The following KCNQ3 variants were observed in gnomAD, a reference collection of about 807,000 sequenced individuals.
KCNQ3 encodes potassium voltage-gated channel subfamily KQT member 3.
A neutral mutation model predicts 92.5 loss-of-function variants in KCNQ3; 30 were observed. The ratio of observed to expected loss-of-function variants is 0.32; its 90% CI spans 0.24 to 0.44. KCNQ3 has a LOEUF of 0.44. Among genes scored for constraint, KCNQ3 ranks in the 20% least tolerant of loss-of-function variants. The pLI is 1.00. For synonymous variants in KCNQ3, 450 were observed against 468.8 expected (o/e 0.96, Z 0.52); for missense variants, 913 against 1,140.3 (o/e 0.80, Z 2.87).
At chr8:132,291,216 C>T (rs1816825556) in intron 1 of KCNQ3, among the ~76,000 whole-genome samples, 1 of 152,198 alleles carries the variant, frequency 6.6e-6, no homozygotes, top group Non-Finnish European at 1.5e-5. Context: ...AGTGTTAACA[C>T]CTAGTGGCTG....
rs575581097 is a variant in KCNQ3 at position 132,411,385 on chromosome 8, G to A, written c.386+68762C>T. 8.5e-5 allele frequency among the ~76,000 whole-genome samples: 13 copies of A among 152,256 alleles called. No individual in the cohort carries two copies. The East Asian group carries it at 1.5e-3, about 18-fold the overall frequency. On this transcript the variant is annotated intron_variant, in intron 1 of 14. Transcript: ENST00000388996. ...GGGACACCGACATGGGATTGGGGAC[G>A]TAGGAATGTCAGACTAGAGATGCAA...
At chr8:132,377,725 T>G (rs1439113415) in intron 1 of KCNQ3, among the ~76,000 whole-genome samples, 3 of 152,222 alleles carry the variant, frequency 2.0e-5, no homozygotes, top group African/African-American at 7.2e-5. Flanking sequence ...TGGAATTATC[T>G]TCAAATATGG....
intron 1 of KCNQ3, among the ~76,000 whole-genome samples, chr8:132,302,300 C>T (rs1027070731): frequency 3.3e-5 from 5 of 152,184 alleles, no homozygotes; most frequent in African/African-American, 1.2e-4. Context: ...ACACTCGAAT[C>T]CAGATTTCCC....
At chr8:132,248,728 A>C (rs552598068) in intron 1 of KCNQ3, among the ~76,000 whole-genome samples, 13 of 152,332 alleles carry the variant, frequency 8.5e-5, no homozygotes, top group African/African-American at 2.9e-4. Context: ...TGCCCCAGCC[A>C]ATCAGCAGAT....
intron 1 of KCNQ3, among the ~76,000 whole-genome samples, chr8:132,397,743 G>A (rs11987131): frequency 0.18 from 27,995 of 151,898 alleles, 2,745 homozygotes; most frequent in Non-Finnish European, 0.21. Context: ...TAATAATAAA[G>A]ACTAAAAAAA....
chr8:132,480,435 G>T lies in KCNQ3; in HGVS notation c.98C>A (p.Ala33Glu). 1 of 1,454,010 alleles carries T rather than the reference G, an allele frequency of 6.9e-7. No individual in the cohort carries two copies. The highest frequency in any genetic ancestry group is 9.0e-7 in the Non-Finnish European group (1 of 1,106,316). 90.1% of individuals were successfully genotyped at this position (1,454,010 alleles called of 1,614,324 possible). A position where few individuals can be genotyped will look rare whatever the true frequency, so the allele number is the denominator to read the frequency against. Residue 33 changes from alanine to glutamate, a missense_variant, in exon 1 of 15, where the codon GCG (alanine) becomes GAG (glutamate). Transcript: ENST00000388996. ...CCGCTCCTCGTCGCCGGCCGCCGCC[G>T]CGTCCCCTCCGGCTGGGTTAGCCGC... ...GGAANPAGGD[A>E]AAAGDEERKV...
chr8:132,331,517 G>A (rs749751879), intron 1 of KCNQ3, among the ~76,000 whole-genome samples: 8 of 152,142 alleles, frequency 5.3e-5, no homozygotes, highest in Admixed American at 3.3e-4. Context: ...ACAGACTAGG[G>A]AAAGTCATAG....
At chr8:132,199,207 C>A (rs982887864) in intron 1 of KCNQ3, among the ~76,000 whole-genome samples, 5 of 152,142 alleles carry the variant, frequency 3.3e-5, no homozygotes, top group South Asian at 2.1e-4. Context: ...AAAAAACCAA[C>A]TGATACTTTA....
intron 1 of KCNQ3, among the ~76,000 whole-genome samples, chr8:132,401,514 G>A (rs1174636092): frequency 1.3e-5 from 2 of 152,040 alleles, no homozygotes; most frequent in African/African-American, 4.8e-5. Flanking sequence ...TAGCTGGGAT[G>A]ACAGTCATGT....
intron 1 of KCNQ3, among the ~76,000 whole-genome samples, chr8:132,316,055 G>A (rs16904655): frequency 0.088 from 13,358 of 152,094 alleles, 720 homozygotes; most frequent in African/African-American, 0.13. Context: ...GGGAATCTGC[G>A]GTAGGCTTTT....
At chr8:132,196,789 T>G (rs148876888) in intron 1 of KCNQ3, among the ~76,000 whole-genome samples, 2 of 152,324 alleles carry the variant, frequency 1.3e-5, no homozygotes, top group African/African-American at 4.8e-5. Flanking sequence ...CTGGAAAGGC[T>G]TTCAAAGATA....
chr8:132,319,504 C>G, intron 1 of KCNQ3, among the ~76,000 whole-genome samples: 1 of 152,174 alleles, frequency 6.6e-6, no homozygotes, highest in East Asian at 1.9e-4. Flanking sequence ...TTAGAACAAG[C>G]CTATGATCAG....
chr8:132,152,394 C>A (rs373340082), intron 9 of KCNQ3, among the ~76,000 whole-genome samples: 1 of 152,128 alleles, frequency 6.6e-6, no homozygotes, highest in East Asian at 1.9e-4. Flanking sequence ...ACTCTGTGAA[C>A]AAAATTTGGA....
chr8:132,278,353 A>G (rs543033726), intron 1 of KCNQ3: 1 of 321,646 alleles, frequency 3.1e-6, no homozygotes, highest in African/African-American at 2.2e-5. Context: ...TTAATCCCAC[A>G]ATCAGCATTG....
chr8:132,203,286 C>T (rs768153776), intron 1 of KCNQ3, among the ~76,000 whole-genome samples: 8 of 152,220 alleles, frequency 5.3e-5, no homozygotes, highest in Middle Eastern at 6.8e-3. Context: ...TAGCATGATA[C>T]GAACTGTGTG....
intron 1 of KCNQ3, among the ~76,000 whole-genome samples, chr8:132,434,751 A>G (rs556475891): frequency 1.3e-5 from 2 of 152,352 alleles, no homozygotes; most frequent in East Asian, 3.9e-4. Flanking sequence ...GCAAGGAAGA[A>G]TCATGTAGTC....
intron 1 of KCNQ3, among the ~76,000 whole-genome samples, chr8:132,299,459 A>C (rs1044799543): frequency 2.6e-5 from 4 of 152,170 alleles, no homozygotes; most frequent in African/African-American, 9.7e-5. Context: ...ACAAACATCC[A>C]GGGTTGAGAC....
intron 1 of KCNQ3, among the ~76,000 whole-genome samples, chr8:132,303,935 G>A (rs1167445477): frequency 6.6e-6 from 1 of 151,074 alleles, no homozygotes; most frequent in Admixed American, 6.6e-5. Flanking sequence ...GTAATATGCA[G>A]CCATAAACAC....
At chr8:132,293,908 C>T (rs1418716236) in intron 1 of KCNQ3, among the ~76,000 whole-genome samples, 1 of 151,970 alleles carries the variant, frequency 6.6e-6, no homozygotes, top group Non-Finnish European at 1.5e-5. Flanking sequence ...CTCCATCAAC[C>T]ATGTTACTGA....
Sources: allele counts gnomAD v4.1 joint callset (sites outside exome capture counted in the v4.1 genomes callset), GRCh38; gene constraint gnomAD v4.1.1; transcripts MANE v1.5; gene names NCBI Gene and HGNC (gene_info 2026-07-23, HGNC 2026-07-21).